The following SGCZ variants were observed in gnomAD, a reference collection of about 807,000 sequenced individuals.
SGCZ encodes sarcoglycan zeta.
A neutral mutation model predicts 41.3 loss-of-function variants in SGCZ; 40 were observed. The ratio of observed to expected loss-of-function variants is 0.97; its 90% CI spans 0.75 to 1.26. The LOEUF (loss-of-function observed/expected upper bound fraction) is 1.26. SGCZ is among the 50% of genes most tolerant of loss of function. The pLI, the probability that SGCZ is intolerant of heterozygous loss-of-function variation, is 0.00. For synonymous variants in SGCZ, 206 were observed against 137.5 expected, an observed-to-expected ratio of 1.50 and a Z score of -3.49; for missense variants, 552 against 369.8, an observed-to-expected ratio of 1.49 and a Z score of -4.04.
At chr8:14,797,780 G>T (rs924557799) in intron 1 of SGCZ, among the ~76,000 whole-genome samples, 1 of 152,164 alleles carries the variant, frequency 6.6e-6, no homozygotes, top group African/African-American at 2.4e-5. Context: ...CCCTTGCTGT[G>T]TGCAGCCTAG....
chr8:14,374,096 G>C (rs1804014920), intron 2 of SGCZ, among the ~76,000 whole-genome samples: 1 of 152,184 alleles, frequency 6.6e-6, no homozygotes, highest in Non-Finnish European at 1.5e-5. Context: ...GAAACACAAA[G>C]CCTAGGTGCA....
intron 1 of SGCZ, among the ~76,000 whole-genome samples, chr8:14,961,151 C>T (rs1800953502): frequency 6.6e-6 from 1 of 152,082 alleles, no homozygotes; most frequent in African/African-American, 2.4e-5. Context: ...CCTATGGGTA[C>T]TTTTTGTCTG....
chr8:14,856,233 A>C (rs1563318439), intron 1 of SGCZ, among the ~76,000 whole-genome samples: 1 of 152,202 alleles, frequency 6.6e-6, no homozygotes, highest in South Asian at 2.1e-4. Flanking sequence ...AATGAAAATA[A>C]ATAGAAGAAT....
chr8:14,622,754 G>T (rs1430210793), intron 1 of SGCZ, among the ~76,000 whole-genome samples: 1 of 152,158 alleles, frequency 6.6e-6, no homozygotes, highest in East Asian at 1.9e-4. Flanking sequence ...GAGGAAACCA[G>T]AAGACTAAGG....
intron 1 of SGCZ, among the ~76,000 whole-genome samples, chr8:14,748,082 A>G (rs546834654): frequency 1.0e-3 from 156 of 152,176 alleles, no homozygotes; most frequent in African/African-American, 3.6e-3. Context: ...GGTACGTGGC[A>G]TGTAAGAATC....
At chr8:15,196,451 G>A (rs1050743009) in intron 1 of SGCZ, among the ~76,000 whole-genome samples, 4 of 152,074 alleles carry the variant, frequency 2.6e-5, no homozygotes, top group African/African-American at 4.8e-5. Context: ...TACATGAAAT[G>A]TTATCATCCT....
At chr8:15,103,057 G>C (rs1233126464) in intron 1 of SGCZ, among the ~76,000 whole-genome samples, 1 of 152,080 alleles carries the variant, frequency 6.6e-6, no homozygotes, top group Non-Finnish European at 1.5e-5. Context: ...ACAATGTCAT[G>C]TATGGTGAGT....
chr8:14,614,389 A>C (rs1309243525), intron 1 of SGCZ, among the ~76,000 whole-genome samples: 2 of 152,274 alleles, frequency 1.3e-5, no homozygotes, highest in East Asian at 3.9e-4. Flanking sequence ...ATACAGAATA[A>C]AAAAATGTAA....
chr8:14,091,910 T>C (rs1006622100), intron 7 of SGCZ, among the ~76,000 whole-genome samples: 11 of 152,148 alleles, frequency 7.2e-5, no homozygotes, highest in Admixed American at 2.6e-4. Context: ...CTGAATGGCA[T>C]TGCCTAAGTA....
chr8:14,981,014 C>G (rs1346010457), intron 1 of SGCZ, among the ~76,000 whole-genome samples: 2 of 152,142 alleles, frequency 1.3e-5, no homozygotes, highest in Non-Finnish European at 2.9e-5. Flanking sequence ...TGACACAATT[C>G]ACCAAAAATC....
At chr8:15,177,871 T>G (rs1273062987) in intron 1 of SGCZ, among the ~76,000 whole-genome samples, 2 of 152,170 alleles carry the variant, frequency 1.3e-5, no homozygotes, top group Non-Finnish European at 2.9e-5. Context: ...GGGGAAGCTA[T>G]GAACTCCCTA....
At chr8:14,911,639 C>T (rs2130777663) in intron 1 of SGCZ, among the ~76,000 whole-genome samples, 1 of 151,984 alleles carries the variant, frequency 6.6e-6, no homozygotes, top group African/African-American at 2.4e-5. Flanking sequence ...CTGCAGAGTG[C>T]TTTACTAATT....
intron 2 of SGCZ, among the ~76,000 whole-genome samples, chr8:14,415,885 T>C (rs1370034176): frequency 6.6e-6 from 1 of 151,894 alleles, no homozygotes; most frequent in African/African-American, 2.4e-5. Flanking sequence ...ACTGCACTGG[T>C]TAACAAAACT....
chr8:15,175,796 G>C (rs1467869358), intron 1 of SGCZ, among the ~76,000 whole-genome samples: 2 of 152,092 alleles, frequency 1.3e-5, no homozygotes, highest in Non-Finnish European at 2.9e-5. Context: ...TGAAACACAG[G>C]CAGAATTTAG....
At chr8:14,132,959 C>G (rs1226112774) in intron 5 of SGCZ, among the ~76,000 whole-genome samples, 2 of 152,066 alleles carry the variant, frequency 1.3e-5, no homozygotes, top group South Asian at 2.1e-4. Flanking sequence ...TCCTTGTGCT[C>G]AGCTAGTGTT....
chr8:14,554,215 G>C (rs1274034837), intron 2 of SGCZ, among the ~76,000 whole-genome samples: 1 of 151,966 alleles, frequency 6.6e-6, no homozygotes, highest in Non-Finnish European at 1.5e-5. Flanking sequence ...ACCATCTGAT[G>C]GCAATTATAG....
chr8:14,679,598 C>T (rs1430503033), intron 1 of SGCZ, among the ~76,000 whole-genome samples: 1 of 151,396 alleles, frequency 6.6e-6, no homozygotes, highest in Non-Finnish European at 1.5e-5. Context: ...AGTGTTATTA[C>T]AGAAAAAGTA....
intron 4 of SGCZ, among the ~76,000 whole-genome samples, chr8:14,200,650 G>T (rs755274051): frequency 6.6e-6 from 1 of 151,958 alleles, no homozygotes; most frequent in Non-Finnish European, 1.5e-5. Flanking sequence ...AAAACATGCT[G>T]GAATATATAG....
intron 6 of SGCZ, among the ~76,000 whole-genome samples, chr8:14,105,648 G>C (rs761407533): frequency 1.3e-5 from 2 of 151,730 alleles, no homozygotes; most frequent in Non-Finnish European, 2.9e-5. Flanking sequence ...ACTTATCTTG[G>C]GGGTTGCCAG....
Sources: gnomAD v4.1 joint callset for allele counts (sites outside exome capture counted in the v4.1 genomes callset) on GRCh38, gnomAD v4.1.1 for gene constraint, MANE v1.5 for transcripts, NCBI Gene and HGNC (gene_info 2026-07-23, HGNC 2026-07-21) for gene names.